MICAL3: variants seen among roughly 807,000 people sequenced by gnomAD.
MICAL3 encodes microtubule associated monooxygenase, calponin and LIM domain containing 3.
MICAL3 carries 62 observed loss-of-function variants against 207.4 expected under a neutral mutation model. The observed-to-expected ratio is 0.30, with a 90% CI of 0.24 to 0.37. The LOEUF (loss-of-function observed/expected upper bound fraction) is 0.37. MICAL3 is among the 10% of genes least tolerant of loss of function. The pLI, the probability that MICAL3 is intolerant of heterozygous loss-of-function variation, is 1.00. For missense variants in MICAL3, 2,368 were observed against 2,635.6 expected, an observed-to-expected ratio of 0.90 and a Z score of 2.22; for synonymous variants, 1,077 against 1,069.3, an observed-to-expected ratio of 1.01 and a Z score of -0.14.
intron 1 of MICAL3, among the ~76,000 whole-genome samples, chr22:18,013,877 T>A (rs1206492187): frequency 6.6e-6 from 1 of 151,916 alleles, no homozygotes; most frequent in Non-Finnish European, 1.5e-5. Flanking sequence ...AACAGCTCAC[T>A]GTACCCTTGA....
At chr22:17,821,638 T>G in intron 24 of MICAL3, 129 bp from the exon 25 acceptor site, 1 of 747,912 alleles carries the variant, frequency 1.3e-6, no homozygotes, top group Non-Finnish European at 2.2e-6. Context: ...CTCCCAGTTC[T>G]CCTGGAAAGC....
At chr22:17,897,801 G>A (rs2146249508) in intron 7 of MICAL3, among the ~76,000 whole-genome samples, 1 of 152,272 alleles carries the variant, frequency 6.6e-6, no homozygotes, top group East Asian at 1.9e-4. Context: ...AAATGGAGCA[G>A]AGGTTTTCAA....
intron 20 of MICAL3, among the ~76,000 whole-genome samples, chr22:17,835,842 G>A (rs1602011209): frequency 1.3e-5 from 2 of 152,222 alleles, no homozygotes; most frequent in South Asian, 2.1e-4. Flanking sequence ...CCAAGGGCAG[G>A]TGCCGGGTCA....
At chr22:17,958,852 C>T (rs1017985649) in intron 1 of MICAL3, among the ~76,000 whole-genome samples, 5 of 151,666 alleles carry the variant, frequency 3.3e-5, no homozygotes, top group African/African-American at 9.7e-5. Context: ...TAGAGGCGTC[C>T]GCCACCACAC....
At chr22:17,880,891 A>G (rs1185192151) in intron 16 of MICAL3, among the ~76,000 whole-genome samples, 1 of 152,208 alleles carries the variant, frequency 6.6e-6, no homozygotes, top group African/African-American at 2.4e-5. Context: ...GGGTTTTAGA[A>G]AAACAGGCTG....
intron 29 of MICAL3, among the ~76,000 whole-genome samples, chr22:17,805,118 G>C (rs924707310): frequency 2.6e-5 from 4 of 152,230 alleles, no homozygotes; most frequent in Non-Finnish European, 5.9e-5. Context: ...AGACCCCCAA[G>C]TGAGATGATG....
chr22:17,842,786 G>A (rs1228667505), intron 19 of MICAL3, among the ~76,000 whole-genome samples: 2 of 152,200 alleles, frequency 1.3e-5, no homozygotes, highest in African/African-American at 4.8e-5. Context: ...CTTGGCCGGA[G>A]TCCTTTGTGT....
chr22:17,816,073 C>T (rs569872735), intron 27 of MICAL3, among the ~76,000 whole-genome samples: 12 of 152,298 alleles, frequency 7.9e-5, no homozygotes, highest in East Asian at 1.9e-4. Flanking sequence ...CGCAGAGCTC[C>T]GCCCACCCTG....
Position 17,925,036 on chromosome 22 carries a change from C to T in MICAL3, c.-74-18150G>A, listed in dbSNP as rs74371650. The stretch of plus-strand genomic sequence containing the variant: ...AACGGGGGGAAAGAGTCCTGGGATC[C>T]GAATAAGCCACAAACTGGATATTGG... On this transcript the variant is annotated intron_variant, in intron 1 of 31. Transcript: ENST00000441493. Among the ~76,000 whole-genome samples the T allele has an allele frequency of 6.1e-3, 932 of 152,180 alleles. 49 individuals are homozygous for T. In the East Asian group the frequency reaches 0.14, roughly 23 times the overall value.
chr22:17,887,523 C>T (rs556170148), intron 13 of MICAL3, 88 bp from the exon 14 acceptor site: 6 of 798,244 alleles, frequency 7.5e-6, no homozygotes, highest in African/African-American at 5.2e-5. Context: ...GTGGATGGTT[C>T]GCAGAGCCTC....
At chr22:17,864,009 G>A (rs904644351) in intron 19 of MICAL3, 1 of 985,504 alleles carries the variant, frequency 1.0e-6, no homozygotes, top group Non-Finnish European at 1.2e-6. Context: ...CCTGGGCCGT[G>A]AACCACCTGG....
chr22:17,860,689 G>C (rs1243681668), intron 19 of MICAL3: 1 of 985,312 alleles, frequency 1.0e-6, no homozygotes, highest in African/African-American at 1.7e-5. Flanking sequence ...GCTCTCCGTG[G>C]TGTCCTGGCA....
At chr22:17,951,891 T>C (rs1380207612) in intron 1 of MICAL3, among the ~76,000 whole-genome samples, 1 of 152,076 alleles carries the variant, frequency 6.6e-6, no homozygotes, top group African/African-American at 2.4e-5. Context: ...GAGACAGGGT[T>C]TCCCCATGTT....
At chr22:17,976,574 TATATATATA>T (rs1935653128) in intron 1 of MICAL3, among the ~76,000 whole-genome samples, 1 of 95,206 alleles carries the variant, frequency 1.1e-5, no homozygotes, top group Non-Finnish European at 2.0e-5. Flanking sequence ...TATATATATA[TATATATATA>T]TATATATTTT....
intron 1 of MICAL3, among the ~76,000 whole-genome samples, chr22:17,937,433 G>T (rs1409068950): frequency 1.3e-5 from 2 of 152,194 alleles, no homozygotes; most frequent in African/African-American, 4.8e-5. Flanking sequence ...GGAGGCCAAG[G>T]TGGGCAGATC....
chr22:17,886,580 G>A (rs548139599), intron 15 of MICAL3, among the ~76,000 whole-genome samples: 38 of 152,220 alleles, frequency 2.5e-4, no homozygotes, highest in South Asian at 6.2e-4. Flanking sequence ...CAAGGTGGGC[G>A]GATCACTTGA....
chr22:17,808,181 C>T (rs2062007529), intron 29 of MICAL3, among the ~76,000 whole-genome samples: 2 of 152,260 alleles, frequency 1.3e-5, no homozygotes, highest in African/African-American at 2.4e-5. Flanking sequence ...GGAATGAGCG[C>T]ACCACATTCT....
At chr22:17,834,494 T>C in intron 20 of MICAL3, 2 of 1,261,288 alleles carry the variant, frequency 1.6e-6, no homozygotes, top group Non-Finnish European at 2.1e-6. Context: ...GGTGGGTGGA[T>C]CATTTGAGCC....
intron 1 of MICAL3, among the ~76,000 whole-genome samples, chr22:17,964,114 TACAA>T (rs2146392362): frequency 6.6e-6 from 1 of 152,260 alleles, no homozygotes; most frequent in African/African-American, 2.4e-5. Context: ...TCCAGGACAT[TACAA>T]ACAAAGGATT....
Sources: allele counts gnomAD v4.1 joint callset (sites outside exome capture counted in the v4.1 genomes callset), GRCh38; gene constraint gnomAD v4.1.1; transcripts MANE v1.5; gene names NCBI Gene and HGNC (gene_info 2026-07-23, HGNC 2026-07-21).